The following FLI1 variants were observed in gnomAD, a reference collection of about 807,000 sequenced individuals.
FLI1 encodes the protein Friend leukemia integration 1 transcription factor.
Under a neutral mutation model 53.1 loss-of-function variants are expected in FLI1, and 13 were observed. That is an observed-to-expected ratio of 0.24 (90% CI 0.16 to 0.39). The LOEUF (loss-of-function observed/expected upper bound fraction) is 0.39, where lower values mean the gene tolerates loss of function less well. Ranked by LOEUF, FLI1 falls within the 10% of genes least tolerant of loss-of-function variation. The probability of loss-of-function intolerance (pLI) is 1.00; values close to 1 mark genes in which losing one functional copy is unlikely to be tolerated. For missense variants in FLI1, 424 were observed against 600.5 expected, an observed-to-expected ratio of 0.71 and a Z score of 3.07; for synonymous variants, 244 against 236.7, an observed-to-expected ratio of 1.03 and a Z score of -0.28.
intron 2 of FLI1, among the ~76,000 whole-genome samples, chr11:128,765,343 TA>T (rs376108960): frequency 7.9e-5 from 12 of 152,298 alleles, no homozygotes; most frequent in South Asian, 6.2e-4. Context: ...GCCATAACCA[TA>T]AAGGCTCACT....
chr11:128,693,477 T>A (rs1937846587), upstream of FLI1: 1 of 173,008 alleles, frequency 5.8e-6, no homozygotes, highest in Admixed American at 6.3e-5. Flanking sequence ...CAGTAGGCGC[T>A]GGGTTACCCG....
At chr11:128,781,889 C>T in intron 4 of FLI1, 69 bp from the exon 5 acceptor site, 1 of 1,225,976 alleles carries the variant, frequency 8.2e-7, no homozygotes, top group South Asian at 1.2e-5. Flanking sequence ...ACTCCCTCCT[C>T]ATGTCATCTC....
chr11:128,716,115 G>A (rs1287190353), intron 1 of FLI1, among the ~76,000 whole-genome samples: 1 of 152,218 alleles, frequency 6.6e-6, no homozygotes, highest in African/African-American at 2.4e-5. Context: ...TAGAAATGGA[G>A]GCACATTGGC....
At chr11:128,686,281 G>A (rs1170327542), upstream of FLI1, 1 of 454,470 alleles carries the variant, frequency 2.2e-6, no homozygotes, top group South Asian at 1.6e-5. Context: ...GAACATCCTG[G>A]TTTCCAGAAC....
chr11:128,764,181 G>A (rs1390092771), intron 2 of FLI1, among the ~76,000 whole-genome samples: 2 of 152,210 alleles, frequency 1.3e-5, no homozygotes, highest in African/African-American at 4.8e-5. Flanking sequence ...GCCTAAAGAG[G>A]TAATCTTCAG....
At chr11:128,768,357 C>T (rs1394565857) in intron 3 of FLI1, 85 bp downstream of exon 3, 1 of 1,524,964 alleles carries the variant, frequency 6.6e-7, no homozygotes, top group South Asian at 1.1e-5. Flanking sequence ...TTATCTGATA[C>T]TCTATTCCCT....
chr11:128,766,696 G>A (rs1424273475), intron 2 of FLI1, among the ~76,000 whole-genome samples: 2 of 151,736 alleles, frequency 1.3e-5, no homozygotes, highest in African/African-American at 4.8e-5. Flanking sequence ...GGGATGGGTG[G>A]GTCCCTATCT....
At chr11:128,693,666 T>C, upstream of FLI1, 1 of 230,748 alleles carries the variant, frequency 4.3e-6, no homozygotes, top group East Asian at 6.1e-5. Context: ...TCTTTGGCTT[T>C]GGATTTTGGG....
At chr11:128,792,341 C>A (rs1194221479) in intron 5 of FLI1, among the ~76,000 whole-genome samples, 1 of 152,226 alleles carries the variant, frequency 6.6e-6, no homozygotes, top group Non-Finnish European at 1.5e-5. Context: ...TTGACTCCTG[C>A]TACCATCTAA....
intron 1 of FLI1, among the ~76,000 whole-genome samples, chr11:128,743,244 A>C (rs1391411090): frequency 1.3e-5 from 2 of 152,058 alleles, no homozygotes; most frequent in Admixed American, 6.6e-5. Context: ...AGAATAAAAA[A>C]ATAAATTAGC....
chr11:128,755,486 C>A (rs557431543), intron 1 of FLI1, among the ~76,000 whole-genome samples: 3 of 152,146 alleles, frequency 2.0e-5, no homozygotes, highest in Non-Finnish European at 2.9e-5. Flanking sequence ...GCTTCCAGTG[C>A]GGAGCTCAAG....
At chr11:128,799,006 C>T (rs1403514764) in intron 5 of FLI1, among the ~76,000 whole-genome samples, 5 of 149,264 alleles carry the variant, frequency 3.3e-5, no homozygotes, top group African/African-American at 4.9e-5. Context: ...AAGAAAGCCA[C>T]GATTTATTTT....
intron 1 of FLI1, among the ~76,000 whole-genome samples, chr11:128,721,492 C>T (rs1939249529): frequency 6.6e-6 from 1 of 152,048 alleles, no homozygotes; most frequent in African/African-American, 2.4e-5. Context: ...AAATTGTGAC[C>T]CTGTCCTTAG....
In FLI1 at chr11:128,772,863, C is replaced by T. The variant is rs180719406; in HGVS notation, c.467C>T (p.Thr156Ile). 112 of 1,614,000 alleles carry T rather than the reference C, an allele frequency of 6.9e-5. No homozygotes were observed. The African/African-American group carries it at 1.3e-3, about 19-fold the overall frequency. Residue 156 changes from threonine to isoleucine, a missense_variant, in exon 4 of 9, where the codon ACA (threonine) becomes ATA (isoleucine). Coordinates refer to ENST00000527786, the MANE Select transcript of FLI1 (RefSeq NM_002017.5). Reference sequence around the variant, plus strand: ...GAGTACAGCTTGATGGAGATCGACACATCCTTTTTCCAGAACATGGATGGC... The same window carrying T: ...GAGTACAGCTTGATGGAGATCGACATATCCTTTTTCCAGAACATGGATGGC... ...IKEYSLMEID[T>I]SFFQNMDGKE...
intron 1 of FLI1, among the ~76,000 whole-genome samples, chr11:128,708,742 T>C (rs1938662147): frequency 6.6e-6 from 1 of 152,196 alleles, no homozygotes; most frequent in Non-Finnish European, 1.5e-5. Context: ...GCTTTCTTGT[T>C]GCCAATGTAA....
intron 5 of FLI1, chr11:128,804,165 G>A (rs1942712362): frequency 6.6e-6 from 1 of 152,214 alleles, no homozygotes; most frequent in Non-Finnish European, 1.5e-5. Context: ...CAGAAACAAT[G>A]AGGCCAGGCA....
intron 1 of FLI1, among the ~76,000 whole-genome samples, chr11:128,699,820 T>A (rs1214980503): frequency 1.3e-5 from 2 of 152,198 alleles, no homozygotes; most frequent in African/African-American, 4.8e-5. Context: ...TGACAAAATT[T>A]AGGTAATCTA....
At chr11:128,761,660 G>A (rs1941127518) in intron 2 of FLI1, among the ~76,000 whole-genome samples, 1 of 152,082 alleles carries the variant, frequency 6.6e-6, no homozygotes, top group African/African-American at 2.4e-5. Flanking sequence ...TCCCTCCCCT[G>A]CTCTCAGAGA....
intron 4 of FLI1, among the ~76,000 whole-genome samples, chr11:128,779,457 A>G (rs960913653): frequency 2.6e-5 from 4 of 152,184 alleles, no homozygotes; most frequent in Non-Finnish European, 5.9e-5. Flanking sequence ...CATAACTTTA[A>G]TCAGAGGACA....
Sources: gnomAD v4.1 joint callset for allele counts (sites outside exome capture counted in the v4.1 genomes callset) on GRCh38, gnomAD v4.1.1 for gene constraint, MANE v1.5 for transcripts, NCBI Gene and HGNC (gene_info 2026-07-23, HGNC 2026-07-21) for gene names.